LRRC7: variants seen among roughly 807,000 people sequenced by gnomAD.
LRRC7 encodes leucine rich repeat containing 7.
A neutral mutation model predicts 175.7 loss-of-function variants in LRRC7; 23 were observed. The observed-to-expected ratio is 0.13, with a 90% CI of 0.09 to 0.19. LRRC7 has a LOEUF of 0.19. LRRC7 is among the 10% of genes least tolerant of loss of function. The probability of loss-of-function intolerance (pLI) is 1.00; values close to 1 mark genes in which losing one functional copy is unlikely to be tolerated. For missense variants in LRRC7, 1,354 were observed against 1,904.7 expected, an observed-to-expected ratio of 0.71 and a Z score of 5.38; for synonymous variants, 685 against 680.9, an observed-to-expected ratio of 1.01 and a Z score of -0.09.
chr1:69,939,259 G>GA (rs1227040339), intron 8 of LRRC7, among the ~76,000 whole-genome samples: 1 of 151,676 alleles, frequency 6.6e-6, no homozygotes, highest in African/African-American at 2.4e-5. Context: ...GGGGGACACT[G>GA]AAAAAGGAAG....
chr1:69,650,523 AAG>A (rs1262201408), intron 1 of LRRC7, among the ~76,000 whole-genome samples: 1 of 143,660 alleles, frequency 7.0e-6, no homozygotes, highest in African/African-American at 2.8e-5. Flanking sequence ...CTGGGCGAAA[AAG>A]AGAGACTCCG....
In LRRC7 at chr1:69,642,683, G is replaced by A. The variant is rs192659316; in HGVS notation, c.3-35698G>A. On this transcript the variant is annotated intron_variant, in intron 1 of 26. Transcript: ENST00000651989. ...ATGCCAGTTAAAAAGATATGCATAT[G>A]GCTGACAACATGAAAACATCATGTG... 2.0e-5 allele frequency among the ~76,000 whole-genome samples: 3 copies of A among 152,086 alleles called. No individual in the cohort carries two copies. In the East Asian group the frequency reaches 5.8e-4, roughly 29 times the overall value.
chr1:69,739,918 A>G (rs945863097), intron 2 of LRRC7, among the ~76,000 whole-genome samples: 2 of 152,118 alleles, frequency 1.3e-5, no homozygotes, highest in African/African-American at 4.8e-5. Flanking sequence ...GTGTACAGTA[A>G]AAAAGGTCTT....
intron 11 of LRRC7, 62 bp from the exon 12 acceptor site, chr1:70,011,735 T>C: frequency 8.1e-7 from 1 of 1,234,776 alleles, no homozygotes; most frequent in Non-Finnish European, 1.2e-6. Flanking sequence ...GATATGTGGC[T>C]TTTTCAAAAC....
intron 7 of LRRC7, among the ~76,000 whole-genome samples, chr1:69,893,069 C>T (rs1290073313): frequency 6.6e-6 from 1 of 152,088 alleles, no homozygotes; most frequent in Non-Finnish European, 1.5e-5. Flanking sequence ...TTTTTAAAAA[C>T]ACATCCAGGT....
chr1:69,919,789 C>CGG, intron 7 of LRRC7: 1 of 867,806 alleles, frequency 1.2e-6, no homozygotes, highest in Non-Finnish European at 1.9e-6. Flanking sequence ...GGGAGATGAG[C>CGG]GGGACAGTGT....
At chr1:69,677,494 C>G (rs914512030) in intron 1 of LRRC7, among the ~76,000 whole-genome samples, 1 of 151,776 alleles carries the variant, frequency 6.6e-6, no homozygotes, top group Non-Finnish European at 1.5e-5. Context: ...AATCTCCATA[C>G]TGTTTTTCAT....
At chr1:70,093,637 T>C (rs1028560341) in intron 25 of LRRC7, among the ~76,000 whole-genome samples, 3 of 152,158 alleles carry the variant, frequency 2.0e-5, no homozygotes, top group African/African-American at 4.8e-5. Context: ...ATAGTCTAGA[T>C]ATTTTTTTCA....
chr1:69,695,174 G>A (rs1662410785), intron 2 of LRRC7, among the ~76,000 whole-genome samples: 1 of 152,152 alleles, frequency 6.6e-6, no homozygotes, highest in Admixed American at 6.5e-5. Context: ...ATGGAAATGA[G>A]GAAATTGTTG....
intron 7 of LRRC7, among the ~76,000 whole-genome samples, chr1:69,885,414 G>A (rs1454309143): frequency 2.8e-5 from 4 of 145,156 alleles, no homozygotes; most frequent in Admixed American, 6.8e-5. Context: ...AGAGGTGTTT[G>A]TAGTATTCTC....
chr1:69,923,930 T>G (rs1646973667), intron 7 of LRRC7, among the ~76,000 whole-genome samples: 1 of 151,598 alleles, frequency 6.6e-6, no homozygotes, highest in South Asian at 2.1e-4. Flanking sequence ...GTTTTTATGG[T>G]TTTAGGTCTA....
chr1:69,900,068 C>A (rs1226364162), intron 7 of LRRC7, among the ~76,000 whole-genome samples: 1 of 152,000 alleles, frequency 6.6e-6, no homozygotes, highest in Non-Finnish European at 1.5e-5. Context: ...ATTATTTTGT[C>A]TTTTTCCAAC....
At chr1:69,683,472 C>A (rs577944689) in intron 2 of LRRC7, among the ~76,000 whole-genome samples, 113 of 152,236 alleles carry the variant, frequency 7.4e-4, no homozygotes, top group African/African-American at 2.6e-3. Context: ...TCCACCCACC[C>A]ATTCAGCCTC....
intron 17 of LRRC7, 50 bp downstream of exon 17, chr1:70,023,424 T>G: frequency 6.7e-7 from 1 of 1,482,842 alleles, no homozygotes; most frequent in Non-Finnish European, 9.0e-7. Context: ...GAGGCAACCT[T>G]GGAACAGTGG....
chr1:69,720,193 T>A (rs376058193), intron 2 of LRRC7, among the ~76,000 whole-genome samples: 4 of 151,678 alleles, frequency 2.6e-5, no homozygotes, highest in African/African-American at 9.7e-5. Flanking sequence ...TTCTCTCCTT[T>A]ATTAATTTCT....
intron 1 of LRRC7, among the ~76,000 whole-genome samples, chr1:69,615,436 A>G (rs1649456350): frequency 6.6e-6 from 1 of 152,014 alleles, no homozygotes; most frequent in Non-Finnish European, 1.5e-5. Flanking sequence ...GTTGAAAGAA[A>G]GTTGCATTAG....
At chr1:70,060,559 T>A (rs904389332) in intron 23 of LRRC7, among the ~76,000 whole-genome samples, 8 of 151,742 alleles carry the variant, frequency 5.3e-5, no homozygotes, top group African/African-American at 9.7e-5. Flanking sequence ...TAGAAGAAAG[T>A]CTGAAATAGA....
intron 1 of LRRC7, among the ~76,000 whole-genome samples, chr1:69,653,913 C>T (rs935941658): frequency 1.3e-5 from 2 of 151,870 alleles, no homozygotes; most frequent in Non-Finnish European, 2.9e-5. Flanking sequence ...AATAGTCAAA[C>T]ACATAGAAAC....
At chr1:70,097,170 C>T (rs1664468318) in intron 25 of LRRC7, among the ~76,000 whole-genome samples, 1 of 152,150 alleles carries the variant, frequency 6.6e-6, no homozygotes. Flanking sequence ...CTCTACACCA[C>T]CTATGCACAG....
Sources: allele counts gnomAD v4.1 joint callset (sites outside exome capture counted in the v4.1 genomes callset), GRCh38; gene constraint gnomAD v4.1.1; transcripts MANE v1.5; gene names NCBI Gene and HGNC (gene_info 2026-07-23, HGNC 2026-07-21).